The following LHFPL2 variants were observed in gnomAD, a reference collection of about 807,000 sequenced individuals.
LHFPL2 encodes LHFPL tetraspan subfamily member 2.
A neutral mutation model predicts 17.5 loss-of-function variants in LHFPL2; 7 were observed. The ratio of observed to expected loss-of-function variants is 0.40; its 90% CI spans 0.23 to 0.75. The LOEUF (loss-of-function observed/expected upper bound fraction) is 0.75, where lower values mean the gene tolerates loss of function less well. Ranked by LOEUF, LHFPL2 falls within the 30% of genes least tolerant of loss-of-function variation. LHFPL2 has a pLI of 0.37. For missense variants in LHFPL2, 241 were observed against 294.8 expected (o/e 0.82, Z 1.34); for synonymous variants, 134 against 116.2 (o/e 1.15, Z -0.99).
intron 4 of LHFPL2, among the ~76,000 whole-genome samples, chr5:78,498,249 C>T (rs1272610752): frequency 6.6e-6 from 1 of 152,214 alleles, no homozygotes; most frequent in Non-Finnish European, 1.5e-5. Flanking sequence ...GGCAGCATCG[C>T]AGATCAACCT....
At chr5:78,502,073 T>G (rs928435214) in intron 4 of LHFPL2, among the ~76,000 whole-genome samples, 10 of 152,092 alleles carry the variant, frequency 6.6e-5, no homozygotes, top group Non-Finnish European at 1.3e-4. Context: ...CATTTTCTAC[T>G]AAAAATACTC....
chr5:78,607,429 T>C (rs1744257173), intron 2 of LHFPL2, among the ~76,000 whole-genome samples: 1 of 152,174 alleles, frequency 6.6e-6, no homozygotes, highest in African/African-American at 2.4e-5. Flanking sequence ...GTGTATCTTC[T>C]ACCATAGGTT....
At chr5:78,506,828 C>G (rs1268754113) in intron 4 of LHFPL2, among the ~76,000 whole-genome samples, 1 of 152,194 alleles carries the variant, frequency 6.6e-6, no homozygotes, top group Non-Finnish European at 1.5e-5. Context: ...AGCAGTCAAA[C>G]TATGCAGGAA....
chr5:78,515,219 T>A (rs1755255338), intron 3 of LHFPL2, among the ~76,000 whole-genome samples: 1 of 149,506 alleles, frequency 6.7e-6, no homozygotes, highest in African/African-American at 2.5e-5. Context: ...TGCATTGCAT[T>A]TGATTAGGTT....
intron 3 of LHFPL2, among the ~76,000 whole-genome samples, chr5:78,560,239 C>T (rs1437141985): frequency 6.6e-6 from 1 of 152,202 alleles, no homozygotes; most frequent in Non-Finnish European, 1.5e-5. Flanking sequence ...ACATAAGTGC[C>T]ACTAGGGCAT....
At chr5:78,520,829 GC>G (rs138936036) in intron 3 of LHFPL2, among the ~76,000 whole-genome samples, 6 of 152,040 alleles carry the variant, frequency 3.9e-5, no homozygotes, top group South Asian at 2.1e-4. Flanking sequence ...TACAAATGAG[GC>G]CCCCCTGCCC....
rs144971588 is a variant in LHFPL2, at chr5:78,518,064, C to A, written c.-185-7666G>T. 7.7e-4 allele frequency among the ~76,000 whole-genome samples: 117 copies of A among 152,282 alleles called. 1 individual carries two copies. In the East Asian group the frequency reaches 0.019, roughly 25 times the overall value. On this transcript the variant is annotated intron_variant, in intron 3 of 4. Coordinates refer to ENST00000380345, the MANE Select transcript of LHFPL2 (RefSeq NM_005779.3). ...CATAAGCCGGGGCCATATGCCTATGCCTGTACAGACCATAGGGTCAAAAGC... is the reference window on the plus strand; with the variant it reads ...CATAAGCCGGGGCCATATGCCTATGACTGTACAGACCATAGGGTCAAAAGC...
chr5:78,520,876 C>T (rs942115386), intron 3 of LHFPL2, among the ~76,000 whole-genome samples: 1 of 152,254 alleles, frequency 6.6e-6, no homozygotes, highest in Non-Finnish European at 1.5e-5. Context: ...TTAAAGGACC[C>T]TTACTCAGTT....
chr5:78,538,038 C>T (rs1756002135), intron 3 of LHFPL2, among the ~76,000 whole-genome samples: 1 of 152,202 alleles, frequency 6.6e-6, no homozygotes, highest in South Asian at 2.1e-4. Context: ...CCCACTCAGC[C>T]TAGAGGCTGC....
chr5:78,572,492 A>ATGTG (rs200834954), intron 2 of LHFPL2, among the ~76,000 whole-genome samples: 1 of 144,022 alleles, frequency 6.9e-6, no homozygotes. Flanking sequence ...GTGTATATAT[A>ATGTG]TGTGTGTATA....
intron 2 of LHFPL2, among the ~76,000 whole-genome samples, chr5:78,618,418 C>T (rs1427175766): frequency 2.6e-5 from 4 of 152,248 alleles, no homozygotes; most frequent in South Asian, 2.1e-4. Flanking sequence ...TGGCAGAGGT[C>T]GGTCACAGGC....
chr5:78,593,478 T>G (rs1743718411), intron 2 of LHFPL2, among the ~76,000 whole-genome samples: 1 of 152,190 alleles, frequency 6.6e-6, no homozygotes, highest in Non-Finnish European at 1.5e-5. Context: ...ATCATTTTCA[T>G]GACAAAAAGC....
At chr5:78,533,560 C>G (rs957496044) in intron 3 of LHFPL2, among the ~76,000 whole-genome samples, 4 of 152,196 alleles carry the variant, frequency 2.6e-5, no homozygotes, top group Non-Finnish European at 5.9e-5. Flanking sequence ...GAAAAACGCC[C>G]TCTATGGCTA....
intron 1 of LHFPL2, among the ~76,000 whole-genome samples, chr5:78,645,591 C>CACACAT (rs1195015805): frequency 7.1e-5 from 9 of 126,682 alleles, no homozygotes; most frequent in African/African-American, 2.7e-4. Flanking sequence ...CACACACACA[C>CACACAT]ATTTTTTTTG....
At chr5:78,625,464 C>T (rs950017155) in intron 2 of LHFPL2, 1 of 152,186 alleles carries the variant, frequency 6.6e-6, no homozygotes, top group African/African-American at 2.4e-5. Flanking sequence ...TGAAAGGAGC[C>T]CCATCTGCTG....
At chr5:78,616,132 G>A (rs78150903) in intron 2 of LHFPL2, among the ~76,000 whole-genome samples, 6 of 424 alleles carry the variant, frequency 0.014, no homozygotes, top group African/African-American at 0.024. Context: ...TTGTTGTTTT[G>A]GGGGTTTTTT....
chr5:78,591,621 T>A (rs765924489), intron 2 of LHFPL2, among the ~76,000 whole-genome samples: 3 of 152,208 alleles, frequency 2.0e-5, no homozygotes, highest in Non-Finnish European at 4.4e-5. Context: ...TGTCCTGTAA[T>A]CCTTGACATT....
At chr5:78,509,681 C>CT in intron 4 of LHFPL2, 103 bp downstream of exon 4, 1 of 1,219,510 alleles carries the variant, frequency 8.2e-7, no homozygotes, top group Non-Finnish European at 1.2e-6. Context: ...AGAAAGTGGT[C>CT]TTCTCCAAAA....
chr5:78,591,360 A>G (rs1304497073), intron 2 of LHFPL2, among the ~76,000 whole-genome samples: 1 of 152,222 alleles, frequency 6.6e-6, no homozygotes, highest in African/African-American at 2.4e-5. Context: ...TAGTTTCTTT[A>G]TCTTTATTAG....
Sources: gnomAD v4.1 joint callset for allele counts (sites outside exome capture counted in the v4.1 genomes callset) on GRCh38, gnomAD v4.1.1 for gene constraint, MANE v1.5 for transcripts, NCBI Gene and HGNC (gene_info 2026-07-23, HGNC 2026-07-21) for gene names.